The following CYB5RL variants were observed in gnomAD, a reference collection of about 807,000 sequenced individuals.
CYB5RL encodes the protein cytochrome b5 reductase like, also known as NADH-cytochrome b5 reductase-like.
In CYB5RL, 38 loss-of-function variants were observed where a neutral mutation model predicts 37.5. The ratio of observed to expected loss-of-function variants is 1.01; its 90% confidence interval spans 0.78 to 1.33. The LOEUF is 1.33. Among genes scored for constraint, CYB5RL ranks in the 40% most tolerant of loss-of-function variants. CYB5RL has a pLI of 0.00. For missense variants in CYB5RL, 388 were observed against 394.4 expected, an observed-to-expected ratio of 0.98 and a Z score of 0.14; for synonymous variants, 141 against 151.9, an observed-to-expected ratio of 0.93 and a Z score of 0.53.
chr1:54,174,541 T>C lies in CYB5RL; in HGVS notation c.*78A>G, dbSNP rs963197085. The stretch of plus-strand genomic sequence containing the variant: ...AGCAGGACCAGGCCTGGACTCCGTG[T>C]CTTCTGATTCCAGTCTGTGCTCCTT... On this transcript the variant is annotated 3_prime_UTR_variant, in exon 8 of 8. Transcript: ENST00000534324. 1 of 1,506,456 alleles carries C rather than the reference T, an allele frequency of 6.6e-7. No individual in the cohort carries two copies. The allele number at this position is 1,506,456 out of a possible 1,614,324, so 93.3% of individuals were successfully genotyped here.
At chr1:54,191,940 T>C (rs1035819742) in intron 3 of CYB5RL, among the ~76,000 whole-genome samples, 3 of 152,176 alleles carry the variant, frequency 2.0e-5, no homozygotes, top group African/African-American at 7.2e-5. Flanking sequence ...AGCATATCAA[T>C]TGATCCTCTG....
At chr1:54,190,154 C>A (rs1202470982) in intron 4 of CYB5RL, among the ~76,000 whole-genome samples, 2 of 151,692 alleles carry the variant, frequency 1.3e-5, no homozygotes, top group East Asian at 3.9e-4. Flanking sequence ...GGGGTGGGGA[C>A]TGGGGTGGGA....
At chr1:54,180,837 C>T (rs890615437) in intron 6 of CYB5RL, among the ~76,000 whole-genome samples, 25 of 151,966 alleles carry the variant, frequency 1.6e-4, no homozygotes, top group Non-Finnish European at 2.9e-4. Flanking sequence ...GAACTGTTAC[C>T]AGGATTAAAT....
chr1:54,178,794 C>G (rs1330285477), intron 7 of CYB5RL, among the ~76,000 whole-genome samples: 1 of 152,220 alleles, frequency 6.6e-6, no homozygotes, highest in East Asian at 1.9e-4. Flanking sequence ...CCTGCCCTGC[C>G]CTCTACAGCC....
At chr1:54,186,432 G>C (rs1251418425) in intron 5 of CYB5RL, 1 of 152,194 alleles carries the variant, frequency 6.6e-6, no homozygotes, top group Non-Finnish European at 1.5e-5. Flanking sequence ...ACTTGGGAGG[G>C]TCAAACGATA....
At chr1:54,193,095 GT>G (rs1232652813) in intron 3 of CYB5RL, among the ~76,000 whole-genome samples, 4 of 152,186 alleles carry the variant, frequency 2.6e-5, no homozygotes, top group Non-Finnish European at 4.4e-5. Context: ...TGTAAGCTGA[GT>G]TTTTTCAGCA....
At chr1:54,184,807 T>C (rs1370163353) in intron 5 of CYB5RL, 1 of 152,548 alleles carries the variant, frequency 6.6e-6, no homozygotes, top group Non-Finnish European at 1.5e-5. Flanking sequence ...CTGCAATTAA[T>C]TCAAAATTTT....
chr1:54,171,636 G>T lies in CYB5RL; in HGVS notation c.*2983C>A, dbSNP rs1244857332. The stretch of plus-strand genomic sequence containing the variant: ...GAGCTCTGTGTGGCTCACAGATTGT[G>T]GACACCTGGTTGACCTCTTGATGCC... On this transcript the variant is annotated 3_prime_UTR_variant, in exon 8 of 8. Coordinates refer to ENST00000534324, the MANE Select transcript of CYB5RL (RefSeq NM_001031672.4). The T allele has an allele frequency of 1.1e-5, 4 of 355,504 alleles. No individual in the cohort carries two copies. Among genetic ancestry groups the T allele is most frequent in the Non-Finnish European group, 2.2e-5 (4 of 179,718 alleles). The allele number at this position is 355,504 out of a possible 1,614,324, so 22.0% of individuals were successfully genotyped here.
intron 4 of CYB5RL, among the ~76,000 whole-genome samples, chr1:54,188,986 C>A (rs1643926542): frequency 6.6e-6 from 1 of 152,154 alleles, no homozygotes; most frequent in South Asian, 2.1e-4. Flanking sequence ...AGATCGAGAC[C>A]ATCCTGGTCA....
At chr1:54,190,213 G>A (rs918307958) in intron 4 of CYB5RL, among the ~76,000 whole-genome samples, 11 of 152,316 alleles carry the variant, frequency 7.2e-5, no homozygotes, top group African/African-American at 2.6e-4. Context: ...CAGAGGAGTG[G>A]TAAAGAGCGT....
At chr1:54,185,177 C>T (rs549773146) in intron 5 of CYB5RL, 1 of 152,350 alleles carries the variant, frequency 6.6e-6, no homozygotes, top group South Asian at 2.1e-4. Flanking sequence ...CAGACATATA[C>T]AAGGTAGAGA....
rs1257611685 is a variant in CYB5RL, at chr1:54,195,431, C to T, written c.186G>A (p.Gly62=). The part of the protein sequence containing the change: ...QASKDRSLLR[G]PESQSCPSKL... ...CAGCCTCTCTCACCTGTGACTCTGGCCCACGCAGCAGGCTCCTGTCCTTGC... is the reference window on the plus strand; with the variant it reads ...CAGCCTCTCTCACCTGTGACTCTGGTCCACGCAGCAGGCTCCTGTCCTTGC... The change falls in exon 3 of 8, where the codon GGG becomes GGA. Residue 62 remains glycine (G), a synonymous_variant. Coordinates refer to ENST00000534324, the MANE Select transcript of CYB5RL (RefSeq NM_001031672.4). 12 of 1,597,190 alleles carry T rather than the reference C, an allele frequency of 7.5e-6. No individual in the cohort carries two copies. Among genetic ancestry groups the T allele is most frequent in the Non-Finnish European group, 9.4e-6 (11 of 1,168,926 alleles).
intron 1 of CYB5RL, among the ~76,000 whole-genome samples, chr1:54,197,931 G>A (rs1386727050): frequency 6.6e-6 from 1 of 150,978 alleles, no homozygotes; most frequent in African/African-American, 2.4e-5. Flanking sequence ...GGGAGGCTGA[G>A]GCAGGAGAAT....
chr1:54,184,055 A>G, intron 6 of CYB5RL, 106 bp downstream of exon 6: 1 of 850,102 alleles, frequency 1.2e-6, no homozygotes, highest in Non-Finnish European at 1.9e-6. Flanking sequence ...TACACCTGGG[A>G]TTGTGTTTGA....
intron 4 of CYB5RL, 141 bp downstream of exon 4, chr1:54,190,607 T>C: frequency 9.5e-7 from 1 of 1,049,362 alleles, no homozygotes; most frequent in Non-Finnish European, 1.4e-6. Flanking sequence ...CCAAGAACTC[T>C]CTGAGTCATG....
At chr1:54,195,967 G>C (rs1229988820) in intron 2 of CYB5RL, among the ~76,000 whole-genome samples, 1 of 152,200 alleles carries the variant, frequency 6.6e-6, no homozygotes, top group African/African-American at 2.4e-5. Flanking sequence ...CTACTCATAA[G>C]CTCTATGACT....
chr1:54,176,336 C>A (rs1028391806), intron 7 of CYB5RL, among the ~76,000 whole-genome samples: 10 of 152,180 alleles, frequency 6.6e-5, no homozygotes, highest in African/African-American at 2.2e-4. Context: ...AGTTCAAGAC[C>A]AGCCTGGGCA....
At chr1:54,175,835 C>T (rs767517208) in intron 7 of CYB5RL, among the ~76,000 whole-genome samples, 16 of 152,116 alleles carry the variant, frequency 1.1e-4, no homozygotes, top group Non-Finnish European at 2.1e-4. Flanking sequence ...ATGCAAATAC[C>T]ACACCATTTT....
intron 7 of CYB5RL, 72 bp downstream of exon 7, chr1:54,179,077 C>A (rs528830436): frequency 1.1e-5 from 17 of 1,527,368 alleles, no homozygotes; most frequent in Admixed American, 7.7e-5. Flanking sequence ...GAGGCTAGAG[C>A]TGGTCCTCAG....
Sources: gnomAD v4.1 joint callset for allele counts (sites outside exome capture counted in the v4.1 genomes callset) on GRCh38, gnomAD v4.1.1 for gene constraint, MANE v1.5 for transcripts, NCBI Gene and HGNC (gene_info 2026-07-23, HGNC 2026-07-21) for gene names.